Variants in PEX14 observed in about 807,000 individuals in gnomAD.
PEX14 encodes the protein peroxisomal biogenesis factor 14.
Under a neutral mutation model 49.5 loss-of-function variants are expected in PEX14, and 15 were observed. The ratio of observed to expected loss-of-function variants is 0.30; its 90% CI spans 0.20 to 0.47. The LOEUF is 0.47. PEX14 is among the 20% of genes least tolerant of loss of function. The pLI is 1.00. For synonymous variants in PEX14, 210 were observed against 212.7 expected (o/e 0.99, Z 0.11); for missense variants, 398 against 494.8 (o/e 0.80, Z 1.86).
At chr1:10,537,681 G>A (rs190053770) in intron 3 of PEX14, among the ~76,000 whole-genome samples, 5 of 151,966 alleles carry the variant, frequency 3.3e-5, no homozygotes, top group Admixed American at 2.6e-4. Context: ...TCTCTCAAAC[G>A]CAGCTGGGTT....
rs377686703 is a variant in PEX14 at position 10,495,341 on chromosome 1, G to T, written c.84+20G>T. On this transcript the variant is annotated intron_variant, in intron 2 of 8. Coordinates refer to ENST00000356607, the MANE Select transcript of PEX14 (RefSeq NM_004565.3). This position sits in a 1 kb window ranked among gnomAD's most constrained non-coding sequence, Gnocchi z 4.2. ...CCGCTGGTAAGTACCCAAGATATGT[G>T]GTATCACTTTCTAGTAATTAAAATG... 20 of 1,598,666 alleles carry T rather than the reference G, an allele frequency of 1.3e-5. No homozygotes were observed. In the African/African-American group the frequency reaches 2.3e-4, roughly 18 times the overall value.
chr1:10,552,601 A>T (rs1639367374), intron 3 of PEX14, among the ~76,000 whole-genome samples: 1 of 152,256 alleles, frequency 6.6e-6, no homozygotes, highest in Non-Finnish European at 1.5e-5. Flanking sequence ...ACTAATTATT[A>T]AATATCCATT....
intron 7 of PEX14, 152 bp from the exon 8 acceptor site, chr1:10,627,120 A>G: frequency 1.4e-6 from 1 of 712,876 alleles, no homozygotes; most frequent in South Asian, 1.5e-5. Flanking sequence ...GAGACGTGGC[A>G]GGCAGTGGGC....
chr1:10,496,754 CTTGTTGGTTGGTTGTATTTTTA>C, intron 2 of PEX14, among the ~76,000 whole-genome samples: 1 of 151,942 alleles, frequency 6.6e-6, no homozygotes, highest in East Asian at 1.9e-4. Flanking sequence ...TGTGCATCTG[CTTGTTGGTTGGTTGTATTTTTA>C]TTTCTTTCTT....
At position 10,629,751 on chromosome 1, in the gene PEX14, G is replaced by A. The variant is rs1262518105; in HGVS notation, c.898G>A (p.Glu300Lys). Residue 300 changes from glutamate (E) to lysine (K), a missense_variant, in exon 9 of 9, where the codon GAG becomes AAG. By Grantham distance (56) the Glu-to-Lys change is moderately conservative. Coordinates refer to ENST00000356607, the MANE Select transcript of PEX14 (RefSeq NM_004565.3). This position sits in a 1 kb window ranked among gnomAD's most constrained non-coding sequence, Gnocchi z 8.5. The stretch of plus-strand genomic sequence containing the variant: ...CTTGCTGGGCCCCCAGGAGGAAGGC[G>A]AGGGGGTGGTGGACGTCAAGGGCCA... ...YHLLGPQEEG[E>K]GVVDVKGQVR... is the part of the protein sequence containing the mutation. The A allele has an allele frequency of 3.8e-6, 6 of 1,588,624 alleles. No individual in the cohort carries two copies. Among genetic ancestry groups the A allele is most frequent in the African/African-American group, 2.7e-5 (2 of 74,320 alleles).
intron 3 of PEX14, among the ~76,000 whole-genome samples, chr1:10,593,352 C>T (rs61776268): frequency 0.03 from 4,530 of 152,112 alleles, 111 homozygotes; most frequent in Middle Eastern, 0.068. Flanking sequence ...TTCTGCCTAA[C>T]GATTTCTAGA....
chr1:10,584,352 T>C (rs949536824), intron 3 of PEX14, among the ~76,000 whole-genome samples: 3 of 152,166 alleles, frequency 2.0e-5, no homozygotes, highest in African/African-American at 7.2e-5. Context: ...AGAGGGATAT[T>C]ATGAATCAAG....
chr1:10,567,538 G>T (rs1639841227), intron 3 of PEX14, among the ~76,000 whole-genome samples: 1 of 152,120 alleles, frequency 6.6e-6, no homozygotes, highest in African/African-American at 2.4e-5. Context: ...GTGTCACCCA[G>T]ATTGGAGGGC....
chr1:10,568,629 A>G (rs1051926034), intron 3 of PEX14, among the ~76,000 whole-genome samples: 1 of 152,116 alleles, frequency 6.6e-6, no homozygotes, highest in Non-Finnish European at 1.5e-5. Flanking sequence ...AGCCGTAAGT[A>G]TGTGTTCAAG....
chr1:10,546,737 T>C (rs182313499), intron 3 of PEX14, among the ~76,000 whole-genome samples: 182 of 144,092 alleles, frequency 1.3e-3, no homozygotes, highest in African/African-American at 4.4e-3. Context: ...TGCGTGGTGG[T>C]GGGCACCTAT....
intron 4 of PEX14, among the ~76,000 whole-genome samples, chr1:10,616,269 C>T (rs1447581342): frequency 2.6e-5 from 4 of 152,162 alleles, no homozygotes; most frequent in African/African-American, 9.7e-5. Flanking sequence ...CCCCTTCCCC[C>T]TCATGCCACA....
chr1:10,581,051 A>G (rs965604289), intron 3 of PEX14, among the ~76,000 whole-genome samples: 1 of 152,116 alleles, frequency 6.6e-6, no homozygotes, highest in African/African-American at 2.4e-5. Context: ...AAATTAACAA[A>G]TAAGTGTCCT....
chr1:10,565,608 AATTGACT>A (rs1192867698), intron 3 of PEX14, among the ~76,000 whole-genome samples: 1 of 152,190 alleles, frequency 6.6e-6, no homozygotes, highest in East Asian at 1.9e-4. Context: ...CATATCTACA[AATTGACT>A]ATTCATGTAT....
At chr1:10,505,630 G>A (rs1012923072) in intron 2 of PEX14, among the ~76,000 whole-genome samples, 3 of 150,618 alleles carry the variant, frequency 2.0e-5, no homozygotes, top group East Asian at 2.0e-4. Context: ...CTTCTCTTTA[G>A]CCTCCCAGAG....
chr1:10,592,352 G>T (rs564152527), intron 3 of PEX14, among the ~76,000 whole-genome samples: 1 of 151,914 alleles, frequency 6.6e-6, no homozygotes, highest in Admixed American at 6.6e-5. Flanking sequence ...CTCTGGAATC[G>T]ATCAAATATC....
At chr1:10,554,290 C>T (rs1475584808) in intron 3 of PEX14, among the ~76,000 whole-genome samples, 5 of 124,470 alleles carry the variant, frequency 4.0e-5, no homozygotes, top group Non-Finnish European at 8.2e-5. Flanking sequence ...GGTGACAGAG[C>T]GAGACTCCGT....
intron 3 of PEX14, among the ~76,000 whole-genome samples, chr1:10,554,055 C>T (rs923423039): frequency 2.7e-5 from 4 of 149,746 alleles, no homozygotes; most frequent in East Asian, 2.0e-4. Flanking sequence ...TTTGGGAGGC[C>T]GAGGTGGGCG....
At chr1:10,530,808 T>C (rs937787374) in intron 2 of PEX14, among the ~76,000 whole-genome samples, 21 of 152,356 alleles carry the variant, frequency 1.4e-4, no homozygotes, top group African/African-American at 4.6e-4. Flanking sequence ...TTTTTTAGTC[T>C]TTCTTTTCAT....
intron 4 of PEX14, among the ~76,000 whole-genome samples, chr1:10,603,771 TA>T (rs1301760812): frequency 6.6e-6 from 1 of 152,256 alleles, no homozygotes; most frequent in Admixed American, 6.5e-5. Context: ...AGGACCAGTG[TA>T]AATTTTGTAG....
Sources: gnomAD v4.1 joint callset for allele counts (sites outside exome capture counted in the v4.1 genomes callset) on GRCh38, gnomAD v4.1.1 for gene constraint, Gnocchi (gnomAD v3.1) non-coding constraint, MANE v1.5 for transcripts, NCBI Gene and HGNC (gene_info 2026-07-23, HGNC 2026-07-21) for gene names.